Variants in CCBE1 observed in about 807,000 individuals in gnomAD.
The protein encoded by CCBE1 is collagen and calcium-binding EGF domain-containing protein 1.
In CCBE1, 37 loss-of-function variants were observed where a neutral mutation model predicts 50.0. The ratio of observed to expected loss-of-function variants is 0.74; its 90% CI spans 0.57 to 0.97. CCBE1 has a LOEUF of 0.97. CCBE1 is among the 50% of genes least tolerant of loss of function. The pLI is 0.00. For synonymous variants in CCBE1, 234 were observed against 203.7 expected (o/e 1.15, Z -1.27); for missense variants, 538 against 523.8 (o/e 1.03, Z -0.26).
intron 7 of CCBE1, among the ~76,000 whole-genome samples, chr18:59,444,503 G>C (rs900703057): frequency 1.3e-5 from 2 of 151,206 alleles, no homozygotes; most frequent in African/African-American, 4.9e-5. Flanking sequence ...CCATATCCTT[G>C]TCAATACTTA....
chr18:59,619,020 T>G (rs2053676112), intron 2 of CCBE1, among the ~76,000 whole-genome samples: 1 of 152,174 alleles, frequency 6.6e-6, no homozygotes, highest in South Asian at 2.1e-4. Flanking sequence ...TTTTAGCAGT[T>G]AGAAATTAAC....
chr18:59,682,759 A>G lies in CCBE1; in HGVS notation c.212+13870T>C, dbSNP rs539924979. Among the ~76,000 whole-genome samples the G allele has an allele frequency of 2.0e-5, 3 of 152,348 alleles. No individual in the cohort carries two copies. The South Asian group carries it at 6.2e-4, about 32-fold the overall frequency. ...GAAAGATTAGGAAAAGTAAACTCCA[A>G]CCCTTTGATCGTCTTTACCCTGAAA... On this transcript the variant is annotated intron_variant, in intron 2 of 10. Coordinates refer to ENST00000439986, the MANE Select transcript of CCBE1 (RefSeq NM_133459.4).
intron 2 of CCBE1, among the ~76,000 whole-genome samples, chr18:59,610,892 G>A (rs1179095493): frequency 6.6e-6 from 1 of 152,240 alleles, no homozygotes; most frequent in Non-Finnish European, 1.5e-5. Context: ...ACAGCAAAAG[G>A]GCAAGGGTTT....
At chr18:59,631,215 A>G (rs1297534240) in intron 2 of CCBE1, among the ~76,000 whole-genome samples, 2 of 139,402 alleles carry the variant, frequency 1.4e-5, no homozygotes, top group Non-Finnish European at 3.0e-5. Flanking sequence ...TGATCTGGAG[A>G]AAAAAAAAAG....
intron 2 of CCBE1, among the ~76,000 whole-genome samples, chr18:59,591,622 A>T (rs557138259): frequency 6.6e-6 from 1 of 152,314 alleles, no homozygotes; most frequent in South Asian, 2.1e-4. Context: ...TACCCATAAG[A>T]AGACTGGCAA....
intron 2 of CCBE1, among the ~76,000 whole-genome samples, chr18:59,657,804 T>G (rs1221818192): frequency 6.6e-6 from 1 of 151,984 alleles, no homozygotes; most frequent in Non-Finnish European, 1.5e-5. Flanking sequence ...GCAGGAGAAA[T>G]CGCTCGAACC....
intron 2 of CCBE1, among the ~76,000 whole-genome samples, chr18:59,681,358 C>T (rs868459693): frequency 6.6e-6 from 1 of 152,200 alleles, no homozygotes; most frequent in Non-Finnish European, 1.5e-5. Flanking sequence ...ATATAAGAAA[C>T]ATACTAAGTC....
chr18:59,491,603 C>CCCAA (rs751007971), intron 2 of CCBE1, among the ~76,000 whole-genome samples: 14,105 of 152,222 alleles, frequency 0.093, 851 homozygotes, highest in Middle Eastern at 0.19. Flanking sequence ...CACCTGAGCT[C>CCCAA]AGGAGTTCAA....
chr18:59,664,143 A>G (rs1254588033), intron 2 of CCBE1, among the ~76,000 whole-genome samples: 5 of 152,066 alleles, frequency 3.3e-5, no homozygotes, highest in South Asian at 2.1e-4. Context: ...AGTTCTCGTT[A>G]TATCTTCACA....
chr18:59,686,985 G>GCT (rs3075375), intron 2 of CCBE1, among the ~76,000 whole-genome samples: 59,001 of 152,042 alleles, frequency 0.39, 11,771 homozygotes, highest in East Asian at 0.51. Context: ...ATTATCGTCT[G>GCT]CTCTCATACA....
chr18:59,454,542 G>T (rs534515240), intron 6 of CCBE1, among the ~76,000 whole-genome samples: 1 of 152,256 alleles, frequency 6.6e-6, no homozygotes, highest in Admixed American at 6.5e-5. Flanking sequence ...CACCGCACCC[G>T]GCTGGAAATT....
chr18:59,622,055 G>T (rs756947490), intron 2 of CCBE1, among the ~76,000 whole-genome samples: 2 of 152,146 alleles, frequency 1.3e-5, no homozygotes, highest in African/African-American at 2.4e-5. Context: ...CACTATCCTG[G>T]CATTGAATAA....
At chr18:59,657,356 A>C (rs2054204382) in intron 2 of CCBE1, among the ~76,000 whole-genome samples, 1 of 152,170 alleles carries the variant, frequency 6.6e-6, no homozygotes, top group African/African-American at 2.4e-5. Flanking sequence ...GAAAAATTAC[A>C]CACTTAAAGG....
At chr18:59,660,854 G>A (rs183428201) in intron 2 of CCBE1, among the ~76,000 whole-genome samples, 30 of 151,624 alleles carry the variant, frequency 2.0e-4, no homozygotes, top group Admixed American at 1.8e-3. Flanking sequence ...TGGCCAAAAG[G>A]TCAACCACAT....
intron 2 of CCBE1, among the ~76,000 whole-genome samples, chr18:59,634,082 C>A (rs2053887122): frequency 1.3e-5 from 2 of 152,230 alleles, no homozygotes; most frequent in Middle Eastern, 3.4e-3. Context: ...GGACCTGAAT[C>A]CAACTGGAGA....
At chr18:59,481,936 G>A (rs187362506) in intron 2 of CCBE1, among the ~76,000 whole-genome samples, 4 of 152,224 alleles carry the variant, frequency 2.6e-5, no homozygotes, top group Non-Finnish European at 2.9e-5. Flanking sequence ...TGTGCAGCGC[G>A]TGCAGGTTAC....
Position 59,516,253 on chromosome 18 carries a change from T to G in CCBE1, c.213-36015A>C, listed in dbSNP as rs528407835. ...GGATTACAGTTTGTTTTTTTTTTTCTTATCAACTCTGGAGAGCAAAGTTGT... is the reference window on the plus strand; with the variant it reads ...GGATTACAGTTTGTTTTTTTTTTTCGTATCAACTCTGGAGAGCAAAGTTGT... On this transcript the variant is annotated intron_variant, in intron 2 of 10. Coordinates refer to ENST00000439986, the MANE Select transcript of CCBE1 (RefSeq NM_133459.4). Among the ~76,000 whole-genome samples, 4 of 151,840 alleles carry G rather than the reference T, an allele frequency of 2.6e-5. No homozygotes were observed. The South Asian group carries it at 8.4e-4, about 32-fold the overall frequency.
intron 2 of CCBE1, among the ~76,000 whole-genome samples, chr18:59,689,134 C>T (rs1400061933): frequency 6.6e-6 from 1 of 152,234 alleles, no homozygotes; most frequent in Non-Finnish European, 1.5e-5. Context: ...AATCCCTGCT[C>T]TCTACCAAAC....
intron 6 of CCBE1, among the ~76,000 whole-genome samples, chr18:59,450,595 G>A (rs113744888): frequency 0.016 from 2,394 of 152,318 alleles, 22 homozygotes; most frequent in South Asian, 0.028. Context: ...GTGCAGTGGT[G>A]CAATCTCAGT....
Sources: gnomAD v4.1 joint callset for allele counts (sites outside exome capture counted in the v4.1 genomes callset) on GRCh38, gnomAD v4.1.1 for gene constraint, MANE v1.5 for transcripts, NCBI Gene and HGNC (gene_info 2026-07-23, HGNC 2026-07-21) for gene names.